The following KCNU1 variants were observed in gnomAD, a reference collection of about 807,000 sequenced individuals.
The protein encoded by KCNU1 is potassium calcium-activated channel subfamily U member 1.
In KCNU1, 93 loss-of-function variants were observed where a neutral mutation model predicts 126.8. The observed-to-expected ratio is 0.73, with a 90% confidence interval of 0.62 to 0.87. KCNU1 has a LOEUF of 0.87. Ranked by LOEUF, KCNU1 falls within the 40% of genes least tolerant of loss-of-function variation. The pLI is 0.00. For synonymous variants in KCNU1, 523 were observed against 494.2 expected, an observed-to-expected ratio of 1.06 and a Z score of -0.77; for missense variants, 1,330 against 1,367.1, an observed-to-expected ratio of 0.97 and a Z score of 0.43.
chr8:36,846,757 T>C (rs1235463115), intron 18 of KCNU1, among the ~76,000 whole-genome samples: 15 of 130,136 alleles, frequency 1.2e-4, no homozygotes, highest in Admixed American at 1.1e-3. Flanking sequence ...GCCGAGATCA[T>C]ACCACTGCAC....
At chr8:36,919,517 G>A (rs933858946) in intron 23 of KCNU1, among the ~76,000 whole-genome samples, 1 of 151,998 alleles carries the variant, frequency 6.6e-6, no homozygotes. Flanking sequence ...TAGGCACGAG[G>A]AGCTGTGGGA....
chr8:36,836,310 A>G lies in KCNU1; in HGVS notation c.1310A>G (p.Lys437Arg), dbSNP rs1300291907. The part of the protein sequence containing the change: ...ISNIMRVLSI[K>R]NYDSTTRIII... Reference sequence around the variant, plus strand: ...GGTTTATATAGGGTGCTCTCTATCAAGAACTATGATTCTACCACCAGAATC... The same window carrying G: ...GGTTTATATAGGGTGCTCTCTATCAGGAACTATGATTCTACCACCAGAATC... The change falls in exon 13 of 27, where the codon AAG (lysine) becomes AGG (arginine). Residue 437 changes from lysine (K) to arginine (R), a missense_variant. This residue lies in a region of KCNU1 where 1,054 missense variants were observed against 1,053.9 expected (regional missense o/e 1.00). Coordinates refer to ENST00000399881, the MANE Select transcript of KCNU1 (RefSeq NM_001031836.3). 6.2e-7 allele frequency: 1 copy of G among 1,606,658 alleles called. No homozygotes were observed. Among genetic ancestry groups the G allele is most frequent in the East Asian group, 2.2e-5 (1 of 44,732 alleles).
At chr8:36,912,060 A>G (rs1212608707) in intron 22 of KCNU1, among the ~76,000 whole-genome samples, 1 of 152,230 alleles carries the variant, frequency 6.6e-6, no homozygotes, top group Non-Finnish European at 1.5e-5. Context: ...CCCTGGATCA[A>G]GCTATGTTCC....
intron 19 of KCNU1, among the ~76,000 whole-genome samples, chr8:36,901,678 C>T (rs1022460444): frequency 1.3e-5 from 2 of 152,168 alleles, no homozygotes; most frequent in African/African-American, 4.8e-5. Context: ...GAGAACATTT[C>T]AAGGTTCATT....
chr8:36,923,109 T>G (rs1808421143), intron 24 of KCNU1: 1 of 455,900 alleles, frequency 2.2e-6, no homozygotes, highest in Non-Finnish European at 4.4e-6. Context: ...GGGGCATTCT[T>G]GACTACATGG....
At chr8:36,797,805 T>C (rs1803157578) in intron 2 of KCNU1, among the ~76,000 whole-genome samples, 1 of 152,218 alleles carries the variant, frequency 6.6e-6, no homozygotes, top group South Asian at 2.1e-4. Flanking sequence ...CCTAAAACTC[T>C]GTAAAAGCTG....
intron 7 of KCNU1, among the ~76,000 whole-genome samples, chr8:36,813,492 T>C (rs1803796996): frequency 6.6e-6 from 1 of 150,604 alleles, no homozygotes; most frequent in African/African-American, 2.4e-5. Flanking sequence ...TATAAATGTA[T>C]GTTATATATA....
chr8:36,817,618 G>A (rs1803967043), intron 9 of KCNU1, 32 bp from the exon 10 acceptor site: 1 of 1,150,630 alleles, frequency 8.7e-7, no homozygotes, highest in Non-Finnish European at 1.3e-6. Context: ...ATGTGCCTCG[G>A]ATGATCCACC....
At chr8:36,815,445 GAAGA>G (rs1362954728) in intron 8 of KCNU1, 147 bp from the exon 9 acceptor site, 3 of 467,608 alleles carry the variant, frequency 6.4e-6, no homozygotes, top group African/African-American at 6.1e-5. Flanking sequence ...CTGAAATAAG[GAAGA>G]AAAACGAGGT....
rs866536915 is a variant in KCNU1, at chr8:36,905,233, A to G, written c.2010-475A>G. Among the ~76,000 whole-genome samples, 3 of 152,272 alleles carry G rather than the reference A, an allele frequency of 2.0e-5. No individual in the cohort carries two copies. The South Asian group carries it at 6.2e-4, about 32-fold the overall frequency. ...GAATGCAAAAAGTATTTACTAAATC[A>G]GGATGTTTCAACAGGGACCCATTCA... On this transcript the variant is annotated intron_variant, in intron 19 of 26. Coordinates refer to ENST00000399881, the MANE Select transcript of KCNU1 (RefSeq NM_001031836.3).
At chr8:36,784,668 G>C (rs370343954) in intron 1 of KCNU1, 63 bp downstream of exon 1, 2 of 1,272,054 alleles carry the variant, frequency 1.6e-6, no homozygotes, top group South Asian at 1.5e-5. Flanking sequence ...GTAGTTTTGT[G>C]TTTAGTAAAA....
intron 16 of KCNU1, among the ~76,000 whole-genome samples, chr8:36,844,392 A>C (rs527545501): frequency 1.4e-5 from 2 of 141,878 alleles, no homozygotes; most frequent in East Asian, 2.4e-4. Context: ...AAAAAAAACA[A>C]AAAAAAAAGG....
intron 18 of KCNU1, among the ~76,000 whole-genome samples, chr8:36,854,283 G>A (rs898113435): frequency 9.2e-5 from 14 of 151,998 alleles, no homozygotes; most frequent in South Asian, 4.1e-4. Flanking sequence ...AGAAGTTATT[G>A]GCCATTATTT....
At chr8:36,916,411 G>T (rs916916566) in intron 22 of KCNU1, among the ~76,000 whole-genome samples, 4 of 150,478 alleles carry the variant, frequency 2.7e-5, no homozygotes, top group Admixed American at 2.6e-4. Context: ...AGAAAGGAAG[G>T]AAAGAGGAAA....
chr8:36,897,970 A>G (rs143372378), intron 19 of KCNU1, among the ~76,000 whole-genome samples: 1 of 152,076 alleles, frequency 6.6e-6, no homozygotes, highest in East Asian at 1.9e-4. Flanking sequence ...CGCTGGTACT[A>G]AGTAAAATGT....
chr8:36,792,490 G>T (rs1201775041), intron 2 of KCNU1, among the ~76,000 whole-genome samples: 1 of 152,104 alleles, frequency 6.6e-6, no homozygotes, highest in Non-Finnish European at 1.5e-5. Flanking sequence ...GTTTCTGAAG[G>T]GTCAGCAGGT....
chr8:36,888,497 C>A (rs952340510), intron 19 of KCNU1: 10 of 519,574 alleles, frequency 1.9e-5, no homozygotes, highest in African/African-American at 3.9e-5. Flanking sequence ...CTTCCAGGAC[C>A]TCATCAGCCA....
At chr8:36,870,035 T>C (rs183649103) in intron 19 of KCNU1, among the ~76,000 whole-genome samples, 2 of 152,316 alleles carry the variant, frequency 1.3e-5, no homozygotes, top group Admixed American at 6.5e-5. Context: ...CACTTTGCCA[T>C]GTCCAAGTCG....
rs1563345760 is a variant in KCNU1, at chr8:36,935,667, C to G, written c.3197C>G (p.Thr1066Arg). 1.2e-6 allele frequency: 2 copies of G among 1,613,444 alleles called. No homozygotes were observed. The highest frequency in any genetic ancestry group is 2.2e-5 in the East Asian group (1 of 44,848). ...YEIVNKASQT[T>R]ETHSDTNCPP... ...ATTGTAAATAAAGCATCACAGACAA[C>G]AGAGACACATTCAGACACAAATTGT... Residue 1066 changes from threonine to arginine, a missense_variant, in exon 27 of 27, where the codon ACA (threonine) becomes AGA (arginine). Thr to Arg is a moderately conservative substitution (Grantham distance 71). Coordinates refer to ENST00000399881, the MANE Select transcript of KCNU1 (RefSeq NM_001031836.3).
Sources: allele counts gnomAD v4.1 joint callset (sites outside exome capture counted in the v4.1 genomes callset), GRCh38; gene constraint gnomAD v4.1.1; regional missense constraint gnomAD v4.1.1; transcripts MANE v1.5; gene names NCBI Gene and HGNC (gene_info 2026-07-23, HGNC 2026-07-21).